The following NTRK1 variants were observed in gnomAD, a reference collection of about 807,000 sequenced individuals.
The protein encoded by NTRK1 is high affinity nerve growth factor receptor.
Under a neutral mutation model 86.8 loss-of-function variants are expected in NTRK1, and 62 were observed. The observed-to-expected ratio is 0.71, with a 90% CI of 0.58 to 0.88. NTRK1 has a LOEUF of 0.88. Ranked by LOEUF, NTRK1 falls within the 40% of genes least tolerant of loss-of-function variation. NTRK1 has a pLI of 0.00. For missense variants in NTRK1, 967 were observed against 1,078.4 expected (o/e 0.90, Z 1.45); for synonymous variants, 469 against 456.6 (o/e 1.03, Z -0.35).
upstream of NTRK1, among the ~76,000 whole-genome samples, chr1:156,859,345 C>T (rs1655525979): frequency 6.6e-6 from 1 of 152,126 alleles, no homozygotes; most frequent in African/African-American, 2.4e-5. The surrounding 1 kb of genome is among the most constrained non-coding windows in gnomAD (Gnocchi z 6.2). Context: ...TGCAGCGGCT[C>T]CCGCCAACCC....
chr1:156,858,097 C>T (rs1260075947), upstream of NTRK1, among the ~76,000 whole-genome samples: 3 of 152,202 alleles, frequency 2.0e-5, no homozygotes, highest in African/African-American at 7.2e-5. Flanking sequence ...CCCAGTCTAG[C>T]TTTACCCTTA....
At position 156,868,667 on chromosome 1, in the gene NTRK1, C is replaced by T. The variant is rs1018557266; in HGVS notation, c.717+20C>T. On this transcript the variant is annotated intron_variant, in intron 6 of 16. Transcript: ENST00000524377. ...GTGATGGTGAGAAGACCTTCGCTGG[C>T]AGCCCCCAAGAGGTCCAGGCAGAGC... 1.9e-6 allele frequency: 3 copies of T among 1,549,604 alleles called. No homozygotes were observed. The highest frequency in any genetic ancestry group is 2.6e-6 in the Non-Finnish European group (3 of 1,146,978).
intron 4 of NTRK1, 89 bp from the exon 5 acceptor site, chr1:156,868,015 T>C: frequency 6.9e-7 from 1 of 1,442,324 alleles, no homozygotes; most frequent in East Asian, 2.3e-5. Flanking sequence ...CTGTAGACGG[T>C]CCTCCCTGCT....
intron 1 of NTRK1, among the ~76,000 whole-genome samples, chr1:156,833,521 C>T (rs1429088623): frequency 6.6e-6 from 1 of 151,116 alleles, no homozygotes; most frequent in Non-Finnish European, 1.5e-5. Context: ...CGCACCACTG[C>T]ACTCCAGCCT....
chr1:156,842,613 C>A, intron 2 of NTRK1: 1 of 784,656 alleles, frequency 1.3e-6, no homozygotes, highest in Non-Finnish European at 2.2e-6. Flanking sequence ...CCAAACCTGA[C>A]CCTAACCCCA....
intron 6 of NTRK1, among the ~76,000 whole-genome samples, chr1:156,869,424 A>G (rs1647411515): frequency 6.6e-6 from 1 of 151,378 alleles, no homozygotes; most frequent in Non-Finnish European, 1.5e-5. Context: ...AGGAGGCACA[A>G]TATCAGTTGT....
chr1:156,865,089 G>T, intron 3 of NTRK1: 1 of 474,066 alleles, frequency 2.1e-6, no homozygotes, highest in Non-Finnish European at 3.9e-6. Flanking sequence ...ATACACACCA[G>T]TGCAAAGGGA....
intron 14 of NTRK1, among the ~76,000 whole-genome samples, chr1:156,877,759 T>A (rs1648009082): frequency 6.6e-6 from 1 of 152,222 alleles, no homozygotes; most frequent in Non-Finnish European, 1.5e-5. Context: ...ATGGTCATGA[T>A]CTGGTCCCCA....
intron 1 of NTRK1, among the ~76,000 whole-genome samples, chr1:156,824,091 T>C (rs1424554453): frequency 2.0e-5 from 3 of 152,236 alleles, no homozygotes; most frequent in Non-Finnish European, 2.9e-5. Flanking sequence ...TTTCTTGGAC[T>C]TTCTTTTCTC....
chr1:156,816,581 A>G (rs1405569653), intron 1 of NTRK1: 1 of 1,375,824 alleles, frequency 7.3e-7, no homozygotes, highest in Non-Finnish European at 1.0e-6. Flanking sequence ...GGGGCCCCTC[A>G]TCCCTGAAGT....
chr1:156,842,122 G>C (rs752162923), exon 2 of NTRK1: 40 of 1,613,980 alleles, frequency 2.5e-5, no homozygotes, highest in Non-Finnish European at 3.2e-5. Flanking sequence ...CCCCGATCTT[G>C]ACGGTGAAGT....
intron 1 of NTRK1, 63 bp from the exon 2 acceptor site, chr1:156,864,291 G>A (rs935264351): frequency 2.7e-6 from 4 of 1,504,544 alleles, no homozygotes; most frequent in Middle Eastern, 1.7e-4. Flanking sequence ...GGGAGTAAGT[G>A]GGTGGGCATG....
Position 156,831,469 on chromosome 1 carries a change from C to T in NTRK1, c.-63-10612C>T, listed in dbSNP as rs559993207. On this transcript the variant is annotated intron_variant, in intron 1 of 16. Transcript: ENST00000392302. Reference sequence around the variant, plus strand: ...CAGCTGTAGTTCTGTGTCAGGTGACCATGTGTCCAGATGGTGCTGGGTCAG... The same window carrying T: ...CAGCTGTAGTTCTGTGTCAGGTGACTATGTGTCCAGATGGTGCTGGGTCAG... Among the ~76,000 whole-genome samples the T allele has an allele frequency of 9.9e-5, 15 of 152,260 alleles. 1 individual carries two copies. The East Asian group carries it at 2.7e-3, about 27-fold the overall frequency.
upstream of NTRK1, chr1:156,860,683 AG>A: frequency 1.8e-6 from 1 of 555,230 alleles, no homozygotes; most frequent in Non-Finnish European, 2.9e-6. Flanking sequence ...GCCGGAGCTG[AG>A]GCGGATCCTC....
At chr1:156,876,811 G>A (rs1240002476) in intron 14 of NTRK1, among the ~76,000 whole-genome samples, 4 of 152,092 alleles carry the variant, frequency 2.6e-5, no homozygotes, top group Non-Finnish European at 4.4e-5. Context: ...GGCAAAGGCC[G>A]TGAGCTAAAA....
intron 6 of NTRK1, among the ~76,000 whole-genome samples, chr1:156,870,606 AC>A (rs1340524977): frequency 6.6e-6 from 1 of 152,114 alleles, no homozygotes; most frequent in African/African-American, 2.4e-5. Flanking sequence ...CTCTACTGGA[AC>A]CTTTGAACTC....
At chr1:156,849,059 G>A (rs1459665035) in intron 2 of NTRK1, 3 of 1,610,986 alleles carry the variant, frequency 1.9e-6, no homozygotes, top group Non-Finnish European at 2.5e-6. Flanking sequence ...TGGGTGGGGC[G>A]AGGGGCCTGC....
In NTRK1 at chr1:156,844,635, C is replaced by A. The variant is rs569755213; in HGVS notation, c.50+2442C>A. On this transcript the variant is annotated intron_variant, in intron 2 of 16. Coordinates refer to the NTRK1 transcript ENST00000392302. Reference sequence around the variant, plus strand: ...CAGCACTGTGGCCTCCTGAGAGTAACGCAGAACAGCTGGCTGGGAAGGCGA... The same window carrying A: ...CAGCACTGTGGCCTCCTGAGAGTAAAGCAGAACAGCTGGCTGGGAAGGCGA... 10 of 1,613,828 alleles carry A rather than the reference C, an allele frequency of 6.2e-6. No individual in the cohort carries two copies. In the African/African-American group the frequency reaches 1.3e-4, roughly 22 times the overall value.
At position 156,864,746 on chromosome 1, in the gene NTRK1, T is replaced by G. The variant is rs1366600162; in HGVS notation, c.306T>G (p.Gly102=). Residue 102 remains glycine (G), a synonymous_variant, in exon 3 of 17, where the codon GGT becomes GGG. Transcript: ENST00000524377. The stretch of plus-strand genomic sequence containing the variant: ...TCCCCAGCACCATCGTGAAGAGTGG[T>G]CTCCGTTTCGTGGCGCCAGATGCCT... ...ELRNLTIVKS[G]LRFVAPDAFH... is the part of the protein sequence containing the mutation. 6.2e-7 allele frequency: 1 copy of G among 1,614,016 alleles called. No individual in the cohort carries two copies. Among genetic ancestry groups the G allele is most frequent in the Non-Finnish European group, 8.5e-7 (1 of 1,179,982 alleles).
Sources: gnomAD v4.1 joint callset for allele counts (sites outside exome capture counted in the v4.1 genomes callset) on GRCh38, gnomAD v4.1.1 for gene constraint, Gnocchi (gnomAD v3.1) non-coding constraint, MANE v1.5 for transcripts, NCBI Gene and HGNC (gene_info 2026-07-23, HGNC 2026-07-21) for gene names.